MALRD1: variants seen among roughly 807,000 people sequenced by gnomAD.
MALRD1 encodes the protein MAM and LDL-receptor class A domain-containing protein 1.
In MALRD1, 247 loss-of-function variants were observed where a neutral mutation model predicts 242.1. The ratio of observed to expected loss-of-function variants is 1.02; its 90% confidence interval spans 0.92 to 1.13. The LOEUF is 1.13. Ranked by LOEUF, MALRD1 falls within the 50% of genes most tolerant of loss-of-function variation. The pLI is 0.00. For missense variants in MALRD1, 2,989 were observed against 2,533.1 expected, an observed-to-expected ratio of 1.18 and a Z score of -3.86; for synonymous variants, 995 against 866.6, an observed-to-expected ratio of 1.15 and a Z score of -2.60.
intron 14 of MALRD1, among the ~76,000 whole-genome samples, chr10:19,175,872 G>C (rs1346479541): frequency 1.3e-5 from 2 of 151,942 alleles, no homozygotes; most frequent in Non-Finnish European, 2.9e-5. Flanking sequence ...AAATTTTTTG[G>C]AGAGAATATC....
intron 21 of MALRD1, among the ~76,000 whole-genome samples, chr10:19,298,504 A>T (rs1841809756): frequency 6.6e-6 from 1 of 151,904 alleles, no homozygotes; most frequent in African/African-American, 2.4e-5. Context: ...AAGGGAAGCA[A>T]GGGGAAAAGG....
intron 35 of MALRD1, among the ~76,000 whole-genome samples, chr10:19,612,389 G>A (rs1838941308): frequency 6.6e-6 from 1 of 151,674 alleles, no homozygotes; most frequent in Admixed American, 6.6e-5. Flanking sequence ...ACTAAGGGAG[G>A]GCAAGATGGG....
At chr10:19,637,994 G>A (rs1013274404) in intron 36 of MALRD1, among the ~76,000 whole-genome samples, 1 of 151,072 alleles carries the variant, frequency 6.6e-6, no homozygotes, top group Non-Finnish European at 1.5e-5. Context: ...CCAGCTACTC[G>A]GGAGGCTGAG....
At chr10:19,414,045 A>G (rs999592153) in intron 28 of MALRD1, among the ~76,000 whole-genome samples, 2 of 151,702 alleles carry the variant, frequency 1.3e-5, no homozygotes. Context: ...GTTTCCAAAA[A>G]ACAAAAAAAA....
At chr10:19,464,398 A>G (rs1836117109) in intron 29 of MALRD1, among the ~76,000 whole-genome samples, 1 of 152,174 alleles carries the variant, frequency 6.6e-6, no homozygotes. Flanking sequence ...AAGGTGAGAG[A>G]TGAGGACCCA....
intron 18 of MALRD1, among the ~76,000 whole-genome samples, chr10:19,237,593 TA>T (rs56906611): frequency 7.3e-4 from 5 of 6,820 alleles, no homozygotes; most frequent in South Asian, 0.011. Flanking sequence ...ATTATATAAT[TA>T]TATAATTATA....
chr10:19,152,156 A>C (rs1203287328), intron 11 of MALRD1, among the ~76,000 whole-genome samples: 1 of 152,168 alleles, frequency 6.6e-6, no homozygotes, highest in Non-Finnish European at 1.5e-5. Flanking sequence ...ACAATAAACA[A>C]ATCTGATTAC....
At chr10:19,216,671 T>C (rs118072780) in intron 18 of MALRD1, among the ~76,000 whole-genome samples, 4,268 of 151,938 alleles carry the variant, frequency 0.028, 169 homozygotes, top group East Asian at 0.18. Flanking sequence ...GCCAGCTGGG[T>C]GCGGTGGCTC....
chr10:19,385,354 C>G (rs1846031240), intron 26 of MALRD1, among the ~76,000 whole-genome samples: 1 of 151,974 alleles, frequency 6.6e-6, no homozygotes, highest in African/African-American at 2.4e-5. Context: ...GTAGAATTCA[C>G]CCTTGAAGCC....
chr10:19,391,123 C>T (rs942173447), intron 28 of MALRD1, among the ~76,000 whole-genome samples: 6 of 152,042 alleles, frequency 3.9e-5, no homozygotes, highest in Middle Eastern at 3.2e-3. Flanking sequence ...AACCATTTTG[C>T]GATATTAGTC....
At chr10:19,388,785 A>G (rs572679266) in intron 27 of MALRD1, among the ~76,000 whole-genome samples, 1 of 151,008 alleles carries the variant, frequency 6.6e-6, no homozygotes, top group African/African-American at 2.4e-5. Context: ...TGGTGAAGGA[A>G]TAAAGGGCAG....
In MALRD1 at chr10:19,352,185, A is replaced by C; in HGVS notation, c.4329A>C (p.Arg1443Ser). The C allele has an allele frequency of 6.4e-7, 1 of 1,550,514 alleles. No homozygotes were observed. Among genetic ancestry groups the C allele is most frequent in the South Asian group, 1.2e-5 (1 of 84,062 alleles). The change falls in exon 26 of 40, where the codon AGA becomes AGC. Residue 1443 changes from arginine to serine, a missense_variant. Physicochemically the swap from Arg to Ser is moderately radical, Grantham distance 110 (BLOSUM62 -1). Coordinates refer to ENST00000454679, the MANE Select transcript of MALRD1 (RefSeq NM_001142308.3). ...ACTTCCAACTCAAATTTGAAGGTAG[A>C]GTTGGGAAAGGTCAGCGTGGAGACA... ...DEDFQLKFEG[R>S]VGKGQRGDIA...
At chr10:19,299,578 A>C (rs1260344873) in intron 21 of MALRD1, among the ~76,000 whole-genome samples, 2 of 148,310 alleles carry the variant, frequency 1.3e-5, no homozygotes, top group African/African-American at 4.9e-5. Flanking sequence ...ACAAATCAAT[A>C]AATGTGATGT....
At chr10:19,175,757 G>A (rs1564444450) in intron 14 of MALRD1, among the ~76,000 whole-genome samples, 1 of 151,998 alleles carries the variant, frequency 6.6e-6, no homozygotes, top group Non-Finnish European at 1.5e-5. Context: ...TTGGGAAAAT[G>A]ATGTAAGGCC....
chr10:19,147,089 T>C (rs1833751382), intron 11 of MALRD1, among the ~76,000 whole-genome samples: 1 of 152,124 alleles, frequency 6.6e-6, no homozygotes, highest in Non-Finnish European at 1.5e-5. Context: ...ACTCCTGGCC[T>C]CAAGCAATCC....
intron 29 of MALRD1, among the ~76,000 whole-genome samples, chr10:19,467,223 T>C (rs7906148): frequency 0.86 from 129,233 of 149,934 alleles, 55,852 homozygotes; most frequent in East Asian, 1. Flanking sequence ...GGTGTGGTGG[T>C]GGGCGCCTGT....
intron 26 of MALRD1, among the ~76,000 whole-genome samples, chr10:19,386,967 G>C (rs954537905): frequency 6.6e-6 from 1 of 152,064 alleles, no homozygotes; most frequent in Non-Finnish European, 1.5e-5. Context: ...GCTTCTAAAA[G>C]TCCAAATTAT....
chr10:19,627,312 A>C (rs1044684728), intron 36 of MALRD1, among the ~76,000 whole-genome samples: 10 of 152,126 alleles, frequency 6.6e-5, no homozygotes, highest in African/African-American at 2.4e-4. Flanking sequence ...CTTAGTAAGC[A>C]GCTGTAAAAT....
rs542065911 is a variant in MALRD1, at chr10:19,157,664, A to G, written c.1656+2492A>G. ...GGAACGTATTGATAATAGTGCTTTC[A>G]TGGAACCAATGTTCTTCATTATAAG... On this transcript the variant is annotated intron_variant, in intron 12 of 39. Coordinates refer to ENST00000454679, the MANE Select transcript of MALRD1 (RefSeq NM_001142308.3). Among the ~76,000 whole-genome samples the G allele has an allele frequency of 1.2e-4, 19 of 152,338 alleles. 1 individual carries two copies. In the South Asian group the frequency reaches 3.5e-3, roughly 28 times the overall value.
Sources: gnomAD v4.1 joint callset for allele counts (sites outside exome capture counted in the v4.1 genomes callset) on GRCh38, gnomAD v4.1.1 for gene constraint, MANE v1.5 for transcripts, NCBI Gene and HGNC (gene_info 2026-07-23, HGNC 2026-07-21) for gene names.